Variants in ACOXL observed in about 807,000 individuals in gnomAD.
ACOXL encodes acyl-CoA oxidase like, also known as acyl-coenzyme A oxidase-like protein.
Under a neutral mutation model 71.9 loss-of-function variants are expected in ACOXL, and 70 were observed. The observed-to-expected ratio is 0.97, with a 90% CI of 0.80 to 1.19. ACOXL has a LOEUF of 1.19. Among genes scored for constraint, ACOXL ranks in the 50% most tolerant of loss-of-function variants. The pLI is 0.00. For synonymous variants in ACOXL, 253 were observed against 281.6 expected (o/e 0.90, Z 1.02); for missense variants, 703 against 736.3 (o/e 0.95, Z 0.52).
At chr2:110,820,162 C>T (rs1320020402) in intron 9 of ACOXL, among the ~76,000 whole-genome samples, 1 of 152,068 alleles carries the variant, frequency 6.6e-6, no homozygotes, top group African/African-American at 2.4e-5. Flanking sequence ...ATAGCCTGTG[C>T]CTGGTGCTGT....
chr2:111,034,653 C>T (rs192352182), intron 15 of ACOXL, among the ~76,000 whole-genome samples: 28 of 152,254 alleles, frequency 1.8e-4, no homozygotes, highest in African/African-American at 9.6e-5. Context: ...GTTTTGAAAT[C>T]GAGAAATCCA....
chr2:110,886,351 AC>A (rs1422545834), intron 10 of ACOXL, among the ~76,000 whole-genome samples: 3 of 142,444 alleles, frequency 2.1e-5, no homozygotes, highest in Non-Finnish European at 4.6e-5. Context: ...ACTGGCTTGG[AC>A]TCTGGACTTT....
intron 10 of ACOXL, among the ~76,000 whole-genome samples, chr2:110,842,953 C>T (rs1025543739): frequency 7.9e-5 from 12 of 152,178 alleles, no homozygotes; most frequent in African/African-American, 2.7e-4. Flanking sequence ...GGGTGCTCTT[C>T]CCTTGTAACC....
At chr2:110,878,703 T>G (rs1004216771) in intron 10 of ACOXL, among the ~76,000 whole-genome samples, 6 of 151,466 alleles carry the variant, frequency 4.0e-5, no homozygotes, top group Non-Finnish European at 8.8e-5. Flanking sequence ...AGGCAGAGGT[T>G]GTAGTGAGCC....
chr2:110,968,847 C>G (rs564182866), intron 12 of ACOXL: 72 of 346,086 alleles, frequency 2.1e-4, no homozygotes, highest in African/African-American at 1.5e-3. Context: ...ATGGAACACT[C>G]TATTCAACAG....
chr2:110,941,447 A>T (rs759760840), intron 12 of ACOXL, among the ~76,000 whole-genome samples: 1 of 152,178 alleles, frequency 6.6e-6, no homozygotes, highest in Non-Finnish European at 1.5e-5. Flanking sequence ...TTCCTTATCT[A>T]TGTTTGCAGC....
At chr2:111,077,415 T>G (rs2067658254) in intron 16 of ACOXL, among the ~76,000 whole-genome samples, 1 of 152,210 alleles carries the variant, frequency 6.6e-6, no homozygotes, top group Non-Finnish European at 1.5e-5. Flanking sequence ...TCAGACAATA[T>G]TTTGCTTTCA....
At chr2:111,006,815 T>C (rs1270499506) in intron 14 of ACOXL, among the ~76,000 whole-genome samples, 1 of 152,136 alleles carries the variant, frequency 6.6e-6, no homozygotes, top group Non-Finnish European at 1.5e-5. Flanking sequence ...CTCCTCAGCC[T>C]CCCAAAGTGC....
intron 16 of ACOXL, among the ~76,000 whole-genome samples, chr2:111,060,365 C>T (rs1213591400): frequency 6.6e-6 from 1 of 152,186 alleles, no homozygotes; most frequent in Non-Finnish European, 1.5e-5. Flanking sequence ...TGGAGACCAT[C>T]TGGGGAGCAG....
intron 9 of ACOXL, among the ~76,000 whole-genome samples, chr2:110,832,474 C>G (rs956262124): frequency 2.0e-5 from 3 of 148,208 alleles, no homozygotes; most frequent in Non-Finnish European, 1.5e-5. Context: ...GGAAGCGGAG[C>G]TTGCAGTGAG....
At chr2:110,930,610 G>A (rs2060445090) in intron 11 of ACOXL, among the ~76,000 whole-genome samples, 1 of 152,192 alleles carries the variant, frequency 6.6e-6, no homozygotes. Flanking sequence ...ATATGATTTG[G>A]CTGTGTGCCC....
chr2:111,066,736 A>G (rs189522438), intron 16 of ACOXL, among the ~76,000 whole-genome samples: 1 of 152,318 alleles, frequency 6.6e-6, no homozygotes, highest in East Asian at 1.9e-4. Flanking sequence ...AATCAGGGTT[A>G]TTGTATTAAA....
chr2:110,917,203 T>C (rs919390154), intron 11 of ACOXL, among the ~76,000 whole-genome samples: 8 of 152,160 alleles, frequency 5.3e-5, no homozygotes, highest in South Asian at 4.1e-4. Context: ...AAAAACCTTA[T>C]CCATCACGAT....
chr2:111,080,159 C>A (rs1327682366), intron 16 of ACOXL, among the ~76,000 whole-genome samples: 3 of 151,316 alleles, frequency 2.0e-5, no homozygotes, highest in Admixed American at 2.0e-4. Flanking sequence ...TTAATCTTTT[C>A]AAAAAACCAG....
At position 110,733,863 on chromosome 2, in the gene ACOXL, G is replaced by A. The variant is rs564990912; in HGVS notation, c.-23+1089G>A. Among the ~76,000 whole-genome samples, 7 of 152,268 alleles carry A rather than the reference G, an allele frequency of 4.6e-5. 1 individual carries two copies. In the South Asian group the frequency reaches 1.5e-3, roughly 32 times the overall value. ...AGTGTGGTACAGGGAGCCCTGGGGG[G>A]ACCCAAGAGCATTTCAGGCGGTTCA... On this transcript the variant is annotated intron_variant, in intron 1 of 17. Coordinates refer to ENST00000439055, the MANE Select transcript of ACOXL (RefSeq NM_001142807.4).
chr2:111,091,884 G>T (rs1257688730), intron 16 of ACOXL, among the ~76,000 whole-genome samples: 1 of 152,142 alleles, frequency 6.6e-6, no homozygotes, highest in Non-Finnish European at 1.5e-5. Flanking sequence ...GAGACCACAG[G>T]GTCTGCATGA....
At chr2:110,871,879 C>T (rs559907205) in intron 10 of ACOXL, among the ~76,000 whole-genome samples, 137 of 152,310 alleles carry the variant, frequency 9.0e-4, no homozygotes, top group Admixed American at 1.6e-3. Context: ...GAGACTCACT[C>T]CTCCCACAGG....
intron 13 of ACOXL, 39 bp downstream of exon 13, chr2:110,987,256 G>C: frequency 6.5e-7 from 1 of 1,528,240 alleles, no homozygotes; most frequent in Non-Finnish European, 8.9e-7. Flanking sequence ...GCCTTCAGTG[G>C]GTTATCATGA....
At chr2:111,100,490 A>T (rs984729158) in intron 17 of ACOXL, 1 of 152,660 alleles carries the variant, frequency 6.6e-6, no homozygotes, top group African/African-American at 2.4e-5. Context: ...ATGTCCAAGA[A>T]ATCTGGACAC....
Sources: allele counts gnomAD v4.1 joint callset (sites outside exome capture counted in the v4.1 genomes callset), GRCh38; gene constraint gnomAD v4.1.1; transcripts MANE v1.5; gene names NCBI Gene and HGNC (gene_info 2026-07-23, HGNC 2026-07-21).